Variants in FRMD3 observed in about 807,000 individuals in gnomAD.
FRMD3 encodes FERM domain-containing protein 3.
FRMD3 carries 33 observed loss-of-function variants against 70.2 expected under a neutral mutation model. That is an observed-to-expected ratio of 0.47 (90% confidence interval 0.36 to 0.63). The LOEUF (loss-of-function observed/expected upper bound fraction) is 0.63. Ranked by LOEUF, FRMD3 falls within the 20% of genes least tolerant of loss-of-function variation. FRMD3 has a pLI of 0.00. For synonymous variants in FRMD3, 279 were observed against 255.9 expected (o/e 1.09, Z -0.86); for missense variants, 632 against 711.4 (o/e 0.89, Z 1.27).
intron 3 of FRMD3, among the ~76,000 whole-genome samples, chr9:83,360,196 G>A (rs1035441964): frequency 6.6e-5 from 10 of 152,184 alleles, no homozygotes; most frequent in Admixed American, 1.3e-4. Context: ...AGAGACCCAG[G>A]AACCTGTTTG....
the FRMD3 span, among the ~76,000 whole-genome samples, chr9:83,552,365 A>C: frequency 6.6e-6 from 1 of 152,158 alleles, no homozygotes; most frequent in East Asian, 1.9e-4. Context: ...GTCCTTTTAC[A>C]TTTGTTGAGG....
chr9:83,351,947 T>C (rs1824177405), intron 3 of FRMD3, among the ~76,000 whole-genome samples: 1 of 152,196 alleles, frequency 6.6e-6, no homozygotes, highest in Non-Finnish European at 1.5e-5. Flanking sequence ...TCTAACAAAA[T>C]AAGATCATAC....
chr9:83,289,326 T>C (rs1236351571), intron 13 of FRMD3, among the ~76,000 whole-genome samples: 3 of 152,224 alleles, frequency 2.0e-5, no homozygotes, highest in African/African-American at 4.8e-5. Flanking sequence ...AAGCCATTTA[T>C]AACAAGAGTG....
chr9:83,440,517 C>A (rs1827263499), intron 1 of FRMD3, among the ~76,000 whole-genome samples: 1 of 152,190 alleles, frequency 6.6e-6, no homozygotes, highest in Admixed American at 6.5e-5. Flanking sequence ...GGGCCATCAG[C>A]AATTGTCACC....
rs964785236 is a variant in FRMD3, at chr9:83,347,510, T to C, written c.374+2169A>G. Among the ~76,000 whole-genome samples, 21 of 152,282 alleles carry C rather than the reference T, an allele frequency of 1.4e-4. No homozygotes were observed. The East Asian group carries it at 1.9e-3, about 14-fold the overall frequency. ...TTGTAACATTCAATTGTATAGAGCA[T>C]TTACAAAAGCCCCAGAAATCTAAAG... On this transcript the variant is annotated intron_variant, in intron 4 of 13. Coordinates refer to ENST00000304195, the MANE Select transcript of FRMD3 (RefSeq NM_174938.6).
intron 1 of FRMD3, among the ~76,000 whole-genome samples, chr9:83,499,640 C>A (rs1001103479): frequency 6.6e-6 from 1 of 152,156 alleles, no homozygotes; most frequent in Non-Finnish European, 1.5e-5. Context: ...GCTGACGCCA[C>A]CAAATTCTGG....
At chr9:83,415,183 C>T (rs758474714) in intron 1 of FRMD3, among the ~76,000 whole-genome samples, 4 of 152,166 alleles carry the variant, frequency 2.6e-5, no homozygotes, top group Admixed American at 6.5e-5. Context: ...CTCTCTCTTC[C>T]CTGTGATCTC....
At chr9:83,340,518 A>G (rs1349928029) in intron 5 of FRMD3, among the ~76,000 whole-genome samples, 1 of 152,200 alleles carries the variant, frequency 6.6e-6, no homozygotes, top group African/African-American at 2.4e-5. Flanking sequence ...CTGAATATCC[A>G]GCAGGAGTCA....
At chr9:83,444,814 C>A (rs2131401299) in intron 1 of FRMD3, among the ~76,000 whole-genome samples, 1 of 152,280 alleles carries the variant, frequency 6.6e-6, no homozygotes, top group African/African-American at 2.4e-5. Flanking sequence ...AAATCCTTGT[C>A]TTCCACGGGA....
chr9:83,475,713 C>A lies in FRMD3; in HGVS notation c.147+62372G>T, dbSNP rs191243836. ...AGTTTAGAGATCACTTTACCATGTA[C>A]AAGGTATGAAGCCTAGCAAAAGAAC... On this transcript the variant is annotated intron_variant, in intron 1 of 13. Coordinates refer to ENST00000304195, the MANE Select transcript of FRMD3 (RefSeq NM_174938.6). Among the ~76,000 whole-genome samples the A allele has an allele frequency of 8.5e-5, 13 of 152,230 alleles. No individual in the cohort carries two copies. In the East Asian group the frequency reaches 2.5e-3, roughly 29 times the overall value.
intron 1 of FRMD3, among the ~76,000 whole-genome samples, chr9:83,507,766 C>T (rs1397608033): frequency 8.1e-6 from 1 of 123,296 alleles, no homozygotes; most frequent in African/African-American, 3.0e-5. Context: ...TGAAGGACAT[C>T]CCAGGGGCTG....
chr9:83,358,145 T>G (rs984040941), intron 3 of FRMD3, among the ~76,000 whole-genome samples: 1 of 152,234 alleles, frequency 6.6e-6, no homozygotes, highest in Admixed American at 6.5e-5. Context: ...TTCATTCTTC[T>G]ATATGTGGCT....
At chr9:83,326,334 G>A (rs1455724614) in intron 6 of FRMD3, among the ~76,000 whole-genome samples, 1 of 152,148 alleles carries the variant, frequency 6.6e-6, no homozygotes, top group African/African-American at 2.4e-5. Context: ...GGAATGTCAA[G>A]CAGGATGTCG....
chr9:83,378,774 A>G (rs11140062), intron 2 of FRMD3, among the ~76,000 whole-genome samples: 52,179 of 107,324 alleles, frequency 0.49, 11,809 homozygotes, highest in Admixed American at 0.57. Flanking sequence ...TATTATATAT[A>G]ATATATATTA....
At chr9:83,484,434 G>A (rs193127403) in intron 1 of FRMD3, among the ~76,000 whole-genome samples, 6 of 152,162 alleles carry the variant, frequency 3.9e-5, no homozygotes, top group Admixed American at 2.6e-4. Context: ...CTTTTTGTGT[G>A]TGTGGCAGGG....
At chr9:83,366,676 G>T (rs993656117) in intron 3 of FRMD3, among the ~76,000 whole-genome samples, 1 of 152,340 alleles carries the variant, frequency 6.6e-6, no homozygotes, top group Non-Finnish European at 1.5e-5. Context: ...CAAGCAAGTT[G>T]AATTCAGTCA....
At chr9:83,516,612 C>T (rs1446353288) in intron 1 of FRMD3, among the ~76,000 whole-genome samples, 1 of 152,120 alleles carries the variant, frequency 6.6e-6, no homozygotes, top group African/African-American at 2.4e-5. Flanking sequence ...CAGCTTTGGA[C>T]CAAGCGAACC....
At chr9:83,521,342 C>T (rs1171629515) in intron 1 of FRMD3, among the ~76,000 whole-genome samples, 2 of 152,084 alleles carry the variant, frequency 1.3e-5, no homozygotes, top group Admixed American at 1.3e-4. Flanking sequence ...AGAAAATTAG[C>T]CTGGCATAGT....
intron 1 of FRMD3, among the ~76,000 whole-genome samples, chr9:83,423,517 C>A (rs1826703812): frequency 6.6e-6 from 1 of 151,070 alleles, no homozygotes; most frequent in African/African-American, 2.4e-5. Flanking sequence ...ATTTGGTAGC[C>A]ACGAACCACA....
Sources: allele counts gnomAD v4.1 joint callset (sites outside exome capture counted in the v4.1 genomes callset), GRCh38; gene constraint gnomAD v4.1.1; transcripts MANE v1.5; gene names NCBI Gene and HGNC (gene_info 2026-07-23, HGNC 2026-07-21).